MSI2: variants seen among roughly 807,000 people sequenced by gnomAD.
The protein encoded by MSI2 is musashi RNA binding protein 2.
In MSI2, 17 loss-of-function variants were observed where a neutral mutation model predicts 45.6. The ratio of observed to expected loss-of-function variants is 0.37; its 90% CI spans 0.26 to 0.56. The LOEUF (loss-of-function observed/expected upper bound fraction) is 0.56. Ranked by LOEUF, MSI2 falls within the 20% of genes least tolerant of loss-of-function variation. The pLI is 0.77. For missense variants in MSI2, 293 were observed against 444.2 expected (o/e 0.66, Z 3.06); for synonymous variants, 156 against 158.2 (o/e 0.99, Z 0.11).
chr17:57,536,540 A>G (rs2086924362), intron 7 of MSI2, among the ~76,000 whole-genome samples: 1 of 152,190 alleles, frequency 6.6e-6, no homozygotes, highest in East Asian at 1.9e-4. Flanking sequence ...TTTTACCGGT[A>G]GTATTTTCCC....
chr17:57,442,629 A>G (rs1320840943), intron 6 of MSI2, among the ~76,000 whole-genome samples: 1 of 152,120 alleles, frequency 6.6e-6, no homozygotes, highest in Non-Finnish European at 1.5e-5. Context: ...CCACAACCCC[A>G]GGTTCTGTTG....
At chr17:57,570,317 A>T (rs948218300) in intron 7 of MSI2, among the ~76,000 whole-genome samples, 1 of 152,172 alleles carries the variant, frequency 6.6e-6, no homozygotes, top group African/African-American at 2.4e-5. Context: ...TGATTATGAT[A>T]TGCAGGTTGG....
chr17:57,281,892 A>G (rs1406707002), intron 5 of MSI2, among the ~76,000 whole-genome samples: 3 of 152,172 alleles, frequency 2.0e-5, no homozygotes, highest in Non-Finnish European at 4.4e-5. Flanking sequence ...ATGTCCAGAA[A>G]CTGGAGGTGG....
chr17:57,343,417 T>A (rs1442141498), intron 5 of MSI2, among the ~76,000 whole-genome samples: 2 of 152,130 alleles, frequency 1.3e-5, no homozygotes, highest in Non-Finnish European at 2.9e-5. Flanking sequence ...CTCACATATA[T>A]CCTTTATCAG....
At chr17:57,567,288 C>T (rs1377742095) in intron 7 of MSI2, among the ~76,000 whole-genome samples, 1 of 152,180 alleles carries the variant, frequency 6.6e-6, no homozygotes, top group Non-Finnish European at 1.5e-5. Context: ...AAATTAGGTG[C>T]TAGAACGACC....
At chr17:57,635,368 C>CAG (rs1909757860) in intron 10 of MSI2, among the ~76,000 whole-genome samples, 1 of 152,242 alleles carries the variant, frequency 6.6e-6, no homozygotes. Context: ...GAGGGTGAGT[C>CAG]TGGAGGATTG....
intron 6 of MSI2, among the ~76,000 whole-genome samples, chr17:57,510,884 G>C (rs947402702): frequency 5.9e-5 from 9 of 152,232 alleles, no homozygotes; most frequent in Admixed American, 5.9e-4. Context: ...GTTGGGAGCA[G>C]GCATTTAAAT....
intron 5 of MSI2, among the ~76,000 whole-genome samples, chr17:57,346,344 A>AT (rs201686471): frequency 1.0e-5 from 1 of 97,200 alleles, no homozygotes; most frequent in African/African-American, 3.5e-5. Context: ...TAAATAACAC[A>AT]TTTTGGGGGG....
chr17:57,304,882 CA>C (rs966024061), intron 5 of MSI2, among the ~76,000 whole-genome samples: 21 of 152,176 alleles, frequency 1.4e-4, no homozygotes, highest in African/African-American at 1.9e-4. Flanking sequence ...AGGTCTCCCA[CA>C]GAGGGGTTTT....
chr17:57,354,499 T>A (rs1265297289), intron 5 of MSI2, among the ~76,000 whole-genome samples: 2 of 152,152 alleles, frequency 1.3e-5, no homozygotes, highest in Non-Finnish European at 2.9e-5. Context: ...TAAAATTTGA[T>A]TCCAGGTGGG....
At chr17:57,692,083 A>G in the MSI2 span, among the ~76,000 whole-genome samples, 6 of 152,146 alleles carry the variant, frequency 3.9e-5, no homozygotes, top group African/African-American at 1.4e-4. Context: ...ATTTTGTCAA[A>G]TGTTCTTTGC....
Position 57,596,817 on chromosome 17 carries a change from C to G in MSI2, c.455-51C>G, listed in dbSNP as rs1349082427. 1 of 1,380,674 alleles carries G rather than the reference C, an allele frequency of 7.2e-7. No individual in the cohort carries two copies. Among genetic ancestry groups the G allele is most frequent in the Non-Finnish European group, 1.0e-6 (1 of 971,544 alleles). The allele number at this position is 1,380,674 out of a possible 1,614,324, so 85.5% of individuals were successfully genotyped here. On this transcript the variant is annotated intron_variant, in intron 7 of 13. Coordinates refer to ENST00000284073, the MANE Select transcript of MSI2 (RefSeq NM_138962.4). This position sits in a 1 kb window ranked among gnomAD's most constrained non-coding sequence, Gnocchi z 4.6. ...AGAGAAAAACCTGGGCCTGCCAGAA[C>G]TGAACTCACCCCGCCTCTCTTTGTT...
At chr17:57,578,175 A>T (rs2088101775) in intron 7 of MSI2, among the ~76,000 whole-genome samples, 2 of 151,794 alleles carry the variant, frequency 1.3e-5, no homozygotes, top group South Asian at 4.2e-4. Context: ...AAGCTTTAAG[A>T]ATCTATAAAT....
chr17:57,528,230 A>G (rs2086746519), intron 6 of MSI2, among the ~76,000 whole-genome samples: 1 of 152,204 alleles, frequency 6.6e-6, no homozygotes. Flanking sequence ...GGGTGAGGAC[A>G]AACACCTGTG....
At chr17:57,673,260 T>C (rs1912953512) in intron 11 of MSI2, among the ~76,000 whole-genome samples, 1 of 152,244 alleles carries the variant, frequency 6.6e-6, no homozygotes, top group South Asian at 2.1e-4. Flanking sequence ...CTTCTGGCTC[T>C]TCCAGGCCCA....
chr17:57,637,480 C>T (rs1229595132), intron 10 of MSI2, among the ~76,000 whole-genome samples: 5 of 152,150 alleles, frequency 3.3e-5, no homozygotes, highest in Non-Finnish European at 5.9e-5. Flanking sequence ...GTTTCACTTC[C>T]GATCAGCTTT....
intron 7 of MSI2, among the ~76,000 whole-genome samples, chr17:57,556,657 T>G (rs909573057): frequency 1.3e-5 from 2 of 152,110 alleles, no homozygotes; most frequent in African/African-American, 4.8e-5. Context: ...TGCCATTAAG[T>G]GAGTTTATGA....
intron 11 of MSI2, among the ~76,000 whole-genome samples, chr17:57,662,938 C>G (rs541998147): frequency 6.6e-6 from 1 of 152,236 alleles, no homozygotes; most frequent in Non-Finnish European, 1.5e-5. Flanking sequence ...GGAAGGGAAC[C>G]TTTAGCTGAA....
chr17:57,409,784 G>A (rs1386287997), intron 6 of MSI2, among the ~76,000 whole-genome samples: 4 of 152,018 alleles, frequency 2.6e-5, no homozygotes, highest in South Asian at 2.1e-4. Flanking sequence ...CAAGGCGGGC[G>A]AATCATGAGG....
Sources: allele counts gnomAD v4.1 joint callset (sites outside exome capture counted in the v4.1 genomes callset), GRCh38; gene constraint gnomAD v4.1.1; non-coding constraint Gnocchi (gnomAD v3.1); transcripts MANE v1.5; gene names NCBI Gene and HGNC (gene_info 2026-07-23, HGNC 2026-07-21).